Variants in NRP2 observed in about 807,000 individuals in gnomAD.
The protein encoded by NRP2 is neuropilin-2.
A neutral mutation model predicts 110.4 loss-of-function variants in NRP2; 52 were observed. That is an observed-to-expected ratio of 0.47 (90% confidence interval 0.38 to 0.59). The LOEUF is 0.59. NRP2 is among the 20% of genes least tolerant of loss of function. The pLI, the probability that NRP2 is intolerant of heterozygous loss-of-function variation, is 0.00. For synonymous variants in NRP2, 508 were observed against 468.9 expected (o/e 1.08, Z -1.08); for missense variants, 1,049 against 1,203.0 (o/e 0.87, Z 1.89).
chr2:205,690,732 A>G lies in NRP2; in HGVS notation c.74-6812A>G, dbSNP rs554293832. Among the ~76,000 whole-genome samples, 3 of 152,204 alleles carry G rather than the reference A, an allele frequency of 2.0e-5. No homozygotes were observed. In the East Asian group the frequency reaches 5.8e-4, roughly 29 times the overall value. On this transcript the variant is annotated intron_variant, in intron 1 of 16. Transcript: ENST00000357785. ...GAGGCGGAGGTTGCAGTGGGCCGAGATTGTGCCACTGCACTCTAGCCTGGG... is the reference window on the plus strand; with the variant it reads ...GAGGCGGAGGTTGCAGTGGGCCGAGGTTGTGCCACTGCACTCTAGCCTGGG...
At chr2:205,783,804 G>C (rs2058204712) in intron 15 of NRP2, among the ~76,000 whole-genome samples, 1 of 152,226 alleles carries the variant, frequency 6.6e-6, no homozygotes, top group Admixed American at 6.5e-5. Context: ...GGTGTGCTGA[G>C]AGAAAAGTGT....
chr2:205,720,731 A>T (rs1448193853), intron 3 of NRP2, among the ~76,000 whole-genome samples: 1 of 152,182 alleles, frequency 6.6e-6, no homozygotes, highest in Non-Finnish European at 1.5e-5. Context: ...GAATTGCCTC[A>T]TCCCGGGCCA....
chr2:205,682,980 T>C lies in NRP2; in HGVS notation c.-311T>C, dbSNP rs899425752. The C allele has an allele frequency of 5.9e-5, 20 of 336,444 alleles. No homozygotes were observed. The highest frequency in any genetic ancestry group is 3.8e-4 in the African/African-American group (18 of 47,592). The allele number at this position is 336,444 out of a possible 1,614,324, so 20.8% of individuals were successfully genotyped here. On this transcript the variant is annotated 5_prime_UTR_variant, in exon 1 of 17. Coordinates refer to ENST00000357785, the MANE Select transcript of NRP2 (RefSeq NM_003872.3). This position sits in a 1 kb window ranked among gnomAD's most constrained non-coding sequence, Gnocchi z 4.3. ...TTTCGGGAAATACTCGTGATATTTGTAGGATAAAGGAAATGACACTTTGAG... is the reference window on the plus strand; with the variant it reads ...TTTCGGGAAATACTCGTGATATTTGCAGGATAAAGGAAATGACACTTTGAG...
chr2:205,766,859 C>T (rs1210680503), intron 15 of NRP2, 56 bp downstream of exon 15: 1 of 1,532,246 alleles, frequency 6.5e-7, no homozygotes, highest in Non-Finnish European at 9.0e-7. Flanking sequence ...TTCCTTCCCC[C>T]ATGTGATGTG....
intron 15 of NRP2, among the ~76,000 whole-genome samples, chr2:205,787,864 C>T (rs1331898514): frequency 6.6e-6 from 1 of 151,904 alleles, no homozygotes; most frequent in African/African-American, 2.4e-5. Flanking sequence ...GTTGGAGTGT[C>T]TTGGGGGTGT....
chr2:205,766,530 A>G (rs16837637), intron 14 of NRP2, among the ~76,000 whole-genome samples: 79,707 of 151,938 alleles, frequency 0.52, 22,531 homozygotes, highest in East Asian at 0.63. Context: ...TTAGGGACCC[A>G]TTTCTTGATG....
Position 205,716,285 on chromosome 2 carries a change from CCTCGGGCTCCATG to C in NRP2, c.348_360del (p.Gly117ThrfsTer72). 1 of 1,614,176 alleles carries C rather than the reference CCTCGGGCTCCATG, an allele frequency of 6.2e-7. No homozygotes were observed. Among genetic ancestry groups the C allele is most frequent in the South Asian group, 1.1e-5 (1 of 91,082 alleles). On this transcript the variant is annotated frameshift_variant, in exon 3 of 17. Transcript: ENST00000357785. LOFTEE classifies it high-confidence loss of function. ...AACATCGCCCCGCCCACCATCATCT[CCTCGGGCTCCATG>C]CTCTACATCAAGTTCACCTCCGACT... is the stretch of plus-strand genomic sequence containing the variant.
chr2:205,743,341 G>A lies in NRP2; in HGVS notation c.1430G>A (p.Arg477Gln), dbSNP rs751370729. 6.8e-6 allele frequency: 11 copies of A among 1,614,176 alleles called. No individual in the cohort carries two copies. The East Asian group carries it at 8.9e-5, about 13-fold the overall frequency. ...AGCAGCCGCTCGGGCTGGTTCCCTC[G>A]AATCCCTCAGGCCCAGCCCGGTGAG... is the stretch of plus-strand genomic sequence containing the variant. ...LVSSRSGWFP[R>Q]IPQAQPGEEW... Residue 477 changes from arginine to glutamine, a missense_variant, in exon 9 of 17, where the codon CGA (arginine) becomes CAA (glutamine). Arg to Gln is a conservative substitution (Grantham distance 43, BLOSUM62 1). Coordinates refer to ENST00000357785, the MANE Select transcript of NRP2 (RefSeq NM_003872.3).
intron 2 of NRP2, among the ~76,000 whole-genome samples, chr2:205,699,476 C>T (rs2105892746): frequency 6.6e-6 from 1 of 152,194 alleles, no homozygotes; most frequent in East Asian, 1.9e-4. Flanking sequence ...AGAGGTCATC[C>T]TATGTTGTAT....
chr2:205,732,114 A>G (rs1293195070), intron 7 of NRP2, among the ~76,000 whole-genome samples: 1 of 152,154 alleles, frequency 6.6e-6, no homozygotes, highest in Non-Finnish European at 1.5e-5. Context: ...CCAAGGACTG[A>G]GAGGTACACA....
rs773032314 is a variant in NRP2, at chr2:205,766,764, TTTTG to T, written c.2405-11_2405-8del. 5 of 1,612,494 alleles carry T rather than the reference TTTTG, an allele frequency of 3.1e-6. No homozygotes were observed. The highest frequency in any genetic ancestry group is 3.3e-5 in the Admixed American group (2 of 60,012). ...TTCTTGCCTTTAACTAAGTCCAATT[TTTTG>T]TTTGTTTTTTTCAGAACCCATCTCG... On this transcript the variant is annotated splice_polypyrimidine_tract_variant and intron_variant, in intron 14 of 16. Transcript: ENST00000357785.
At chr2:205,693,547 AAAGC>A (rs1180232211) in intron 1 of NRP2, among the ~76,000 whole-genome samples, 3 of 152,184 alleles carry the variant, frequency 2.0e-5, no homozygotes, top group African/African-American at 7.2e-5. Flanking sequence ...TACTTCAAAA[AAAGC>A]AAATAAATTT....
intron 12 of NRP2, chr2:205,759,530 T>G (rs2057787684): frequency 6.6e-6 from 1 of 152,208 alleles, no homozygotes; most frequent in South Asian, 2.1e-4. Context: ...GAGGTCCCAC[T>G]CTTGTTCCAG....
chr2:205,728,671 G>A (rs2057177499), intron 7 of NRP2, among the ~76,000 whole-genome samples: 1 of 152,220 alleles, frequency 6.6e-6, no homozygotes, highest in Non-Finnish European at 1.5e-5. Context: ...TATACATATG[G>A]ATGAATGTCT....
intron 12 of NRP2, among the ~76,000 whole-genome samples, chr2:205,760,039 T>C (rs1674148914): frequency 6.6e-6 from 1 of 152,230 alleles, no homozygotes; most frequent in African/African-American, 2.4e-5. Context: ...ATTCAAATCC[T>C]ACGTCACTCC....
intron 12 of NRP2, chr2:205,761,989 T>A (rs1333255831): frequency 6.6e-6 from 1 of 152,186 alleles, no homozygotes; most frequent in Non-Finnish European, 1.5e-5. Context: ...AATAGTAAGA[T>A]CTGATAGGGG....
chr2:205,750,674 T>C (rs1259132420), intron 11 of NRP2, among the ~76,000 whole-genome samples: 1 of 152,236 alleles, frequency 6.6e-6, no homozygotes. Context: ...GGCTAGAATG[T>C]TAAGCTTGAC....
At chr2:205,704,753 C>T (rs1250253545) in intron 2 of NRP2, among the ~76,000 whole-genome samples, 1 of 152,232 alleles carries the variant, frequency 6.6e-6, no homozygotes, top group Non-Finnish European at 1.5e-5. Flanking sequence ...CCCTTCTTAA[C>T]AATATGCTTT....
At chr2:205,691,690 C>T (rs1208486248) in intron 1 of NRP2, among the ~76,000 whole-genome samples, 2 of 152,154 alleles carry the variant, frequency 1.3e-5, no homozygotes, top group Non-Finnish European at 2.9e-5. Context: ...CCCCAAATGT[C>T]TCCTAAAATG....
Sources: gnomAD v4.1 joint callset for allele counts (sites outside exome capture counted in the v4.1 genomes callset) on GRCh38, gnomAD v4.1.1 for gene constraint, Gnocchi (gnomAD v3.1) non-coding constraint, MANE v1.5 for transcripts, NCBI Gene and HGNC (gene_info 2026-07-23, HGNC 2026-07-21) for gene names.